Variants in AP5B1 observed in about 807,000 individuals in gnomAD.
AP5B1 encodes the protein adaptor related protein complex 5 subunit beta 1.
AP5B1 carries 3 observed loss-of-function variants against 5.7 expected under a neutral mutation model. That is an observed-to-expected ratio of 0.53 (90% CI 0.24 to 1.36). AP5B1 has a LOEUF of 1.36. Among genes scored for constraint, AP5B1 ranks in the 40% most tolerant of loss-of-function variants. The pLI, the probability that AP5B1 is intolerant of heterozygous loss-of-function variation, is 0.17. For missense variants in AP5B1, 1,310 were observed against 1,143.2 expected, an observed-to-expected ratio of 1.15 and a Z score of -2.10; for synonymous variants, 696 against 555.5, an observed-to-expected ratio of 1.25 and a Z score of -3.56.
chr11:65,780,531 A>C lies in AP5B1; in HGVS notation c.61T>G (p.Ser21Ala). 6.6e-7 allele frequency: 1 copy of C among 1,514,752 alleles called. No homozygotes were observed. Among genetic ancestry groups the C allele is most frequent in the East Asian group, 2.6e-5 (1 of 37,798 alleles). 93.8% of individuals were successfully genotyped at this position (1,514,752 alleles called of 1,614,324 possible). Residue 21 changes from serine (S) to alanine (A), a missense_variant, in exon 1 of 2, where the codon TCT becomes GCT. Ser to Ala is a moderately conservative substitution (Grantham distance 99). Transcript: ENST00000532090. Reference sequence around the variant, plus strand: ...CCCTCGGGACCTGCCATGAAGGCAGACGGGCTGGCCCGGAAGGCCCCCAAG... The same window carrying C: ...CCCTCGGGACCTGCCATGAAGGCAGCCGGGCTGGCCCGGAAGGCCCCCAAG... ...QRLGAFRASP[S>A]AFMAGPEGED...
Position 65,778,784 on chromosome 11 carries a change from C to T in AP5B1, c.1709G>A (p.Trp570Ter). 2.5e-6 allele frequency: 4 copies of T among 1,611,136 alleles called. No individual in the cohort carries two copies. Among genetic ancestry groups the T allele is most frequent in the Non-Finnish European group, 3.4e-6 (4 of 1,179,174 alleles). Residue 570 changes from tryptophan to a stop codon, truncating the protein, a stop_gained, in exon 2 of 2, where the codon TGG becomes TAG. Transcript: ENST00000532090. LOFTEE classifies it low-confidence loss of function (END_TRUNC). ...CCGCAGCAGGCCCTGCTGTAGGTCC[C>T]AGTTCGTGCAGTGGGCAGCCGCGGC... ...LQAAAAHCTN[W>*]DLQQGLLRVC... is the part of the protein sequence containing the mutation.
In AP5B1 at chr11:65,775,316, G is replaced by A. The variant is rs921189182; in HGVS notation, c.*2540C>T. ...TGAAAGGATGGTCAGTCCTTACATG[G>A]ACCAGTTTCCTTATTCTTAGGCTAA... On this transcript the variant is annotated 3_prime_UTR_variant, in exon 2 of 2. Coordinates refer to ENST00000532090, the MANE Select transcript of AP5B1 (RefSeq NM_138368.5). Among the ~76,000 whole-genome samples, 17 of 152,218 alleles carry A rather than the reference G, an allele frequency of 1.1e-4. No individual in the cohort carries two copies. Among genetic ancestry groups the A allele is most frequent in the African/African-American group, 4.1e-4 (17 of 41,452 alleles).
chr11:65,779,658 A>T lies in AP5B1; in HGVS notation c.835T>A (p.Tyr279Asn). 1 of 1,612,114 alleles carries T rather than the reference A, an allele frequency of 6.2e-7. No individual in the cohort carries two copies. Among genetic ancestry groups the T allele is most frequent in the Non-Finnish European group, 8.5e-7 (1 of 1,179,628 alleles). Residue 279 changes from tyrosine to asparagine, a missense_variant, in exon 2 of 2, where the codon TAT becomes AAT. Physicochemically the swap from Tyr to Asn is moderately radical, Grantham distance 143. Transcript: ENST00000532090. ...GCCTGGGCCACAGGAGTGAGCAGAT[A>T]GGAGGTGTCCAGAAGCTGGATCACC... ...AAVIQLLDTS[Y>N]LLTPVAQAQL...
At position 65,780,705 on chromosome 11, in the gene AP5B1, A is replaced by T. The variant is rs1857841615; in HGVS notation, c.-114T>A. ...CTGCGGTCACCCCCAGACGCCGCGCAGATGCCGGCGGGACCCGCGCCCGGC... is the reference window on the plus strand; with the variant it reads ...CTGCGGTCACCCCCAGACGCCGCGCTGATGCCGGCGGGACCCGCGCCCGGC... On this transcript the variant is annotated 5_prime_UTR_variant, in exon 1 of 2. Transcript: ENST00000532090. The T allele has an allele frequency of 8.7e-7, 1 of 1,148,794 alleles. No individual in the cohort carries two copies. Among genetic ancestry groups the T allele is most frequent in the Non-Finnish European group, 1.1e-6 (1 of 906,064 alleles). The allele number at this position is 1,148,794 out of a possible 1,614,324, so 71.2% of individuals were successfully genotyped here.
chr11:65,777,564 G>A lies in AP5B1; in HGVS notation c.*292C>T. On this transcript the variant is annotated 3_prime_UTR_variant, in exon 2 of 2. Coordinates refer to ENST00000532090, the MANE Select transcript of AP5B1 (RefSeq NM_138368.5). ...CTGTCCTCTGTCATGGGAAGATGCA[G>A]AAGGGTCCTCACTGGGCTCTGGGCC... The A allele has an allele frequency of 2.5e-6, 1 of 397,276 alleles. No individual in the cohort carries two copies. Among genetic ancestry groups the A allele is most frequent in the East Asian group, 4.1e-5 (1 of 24,112 alleles). The allele number at this position is 397,276 out of a possible 1,614,324, so 24.6% of individuals were successfully genotyped here.
rs895086689 is a variant in AP5B1 at position 65,774,446 on chromosome 11, C to T, written c.*3410G>A. On this transcript the variant is annotated 3_prime_UTR_variant, in exon 2 of 2. Coordinates refer to ENST00000532090, the MANE Select transcript of AP5B1 (RefSeq NM_138368.5). ...TTCTTTTTTGAGACGGAGTCCTGCT[C>T]TGTCATCCAGGCTGGAGTGTAGTGG... Among the ~76,000 whole-genome samples the T allele has an allele frequency of 1.3e-5, 2 of 152,164 alleles. No homozygotes were observed. Among genetic ancestry groups the T allele is most frequent in the African/African-American group, 2.4e-5 (1 of 41,446 alleles).
chr11:65,780,533 G>T lies in AP5B1; in HGVS notation c.59C>A (p.Pro20Gln), dbSNP rs1010440662. 15 of 1,512,196 alleles carry T rather than the reference G, an allele frequency of 9.9e-6. 1 individual carries two copies. Among genetic ancestry groups the T allele is most frequent in the Non-Finnish European group, 1.3e-5 (15 of 1,136,840 alleles). The allele number at this position is 1,512,196 out of a possible 1,614,324, so 93.7% of individuals were successfully genotyped here. ...AQRLGAFRASPSAFMAGPEGE... is the reference protein window; with the variant it reads ...AQRLGAFRASQSAFMAGPEGE... ...CTCGGGACCTGCCATGAAGGCAGAC[G>T]GGCTGGCCCGGAAGGCCCCCAAGCG... is the stretch of plus-strand genomic sequence containing the variant. Residue 20 changes from proline to glutamine, a missense_variant, in exon 1 of 2, where the codon CCG becomes CAG. Physicochemically the swap from Pro to Gln is moderately conservative, Grantham distance 76. Coordinates refer to ENST00000532090, the MANE Select transcript of AP5B1 (RefSeq NM_138368.5).
Position 65,777,568 on chromosome 11 carries a change from G to T in AP5B1, c.*288C>A, listed in dbSNP as rs1857779835. ...CCTCTGTCATGGGAAGATGCAGAAGGGTCCTCACTGGGCTCTGGGCCCTCC... is the reference window on the plus strand; with the variant it reads ...CCTCTGTCATGGGAAGATGCAGAAGTGTCCTCACTGGGCTCTGGGCCCTCC... On this transcript the variant is annotated 3_prime_UTR_variant, in exon 2 of 2. Transcript: ENST00000532090. 1 of 403,942 alleles carries T rather than the reference G, an allele frequency of 2.5e-6. No homozygotes were observed. The highest frequency in any genetic ancestry group is 4.4e-6 in the Non-Finnish European group (1 of 224,780). The allele number at this position is 403,942 out of a possible 1,614,324, so 25.0% of individuals were successfully genotyped here. A position where few individuals can be genotyped will look rare whatever the true frequency, so the allele number is the denominator to read the frequency against.
rs1857814593 is a variant in AP5B1, at chr11:65,779,443, CCGG to C, written c.1047_1049del (p.Arg350del). On this transcript the variant is annotated inframe_deletion, in exon 2 of 2. Coordinates refer to ENST00000532090, the MANE Select transcript of AP5B1 (RefSeq NM_138368.5). ...CAGGGTGCTGGGCAGCCAAGGTGAG[CCGG>C]CGGAGCAGCAACGCTTCATCCTGGG... 1 of 1,606,960 alleles carries C rather than the reference CCGG, an allele frequency of 6.2e-7. No individual in the cohort carries two copies. The highest frequency in any genetic ancestry group is 1.7e-4 in the Middle Eastern group (1 of 6,048).
Position 65,778,520 on chromosome 11 carries a change from T to C in AP5B1, c.1973A>G (p.Gln658Arg). The change falls in exon 2 of 2, where the codon CAG becomes CGG. Residue 658 changes from glutamine to arginine, a missense_variant. By Grantham distance (43) the Gln-to-Arg change is conservative. Coordinates refer to ENST00000532090, the MANE Select transcript of AP5B1 (RefSeq NM_138368.5). ...NQGFVAALMVQEAPALVRLSL... is the reference protein window; with the variant it reads ...NQGFVAALMVREAPALVRLSL... Reference sequence around the variant, plus strand: ...CAGCCGTACCAGGGCCGGTGCCTCCTGCACCATCAGTGCTGCCACAAAGCC... The same window carrying C: ...CAGCCGTACCAGGGCCGGTGCCTCCCGCACCATCAGTGCTGCCACAAAGCC... The C allele has an allele frequency of 1.3e-6, 2 of 1,575,108 alleles. No individual in the cohort carries two copies. The highest frequency in any genetic ancestry group is 1.7e-6 in the Non-Finnish European group (2 of 1,164,200).
chr11:65,777,754 G>A lies in AP5B1; in HGVS notation c.*102C>T, dbSNP rs1857782668. The A allele has an allele frequency of 7.5e-7, 1 of 1,341,568 alleles. No homozygotes were observed. The highest frequency in any genetic ancestry group is 1.5e-5 in the African/African-American group (1 of 67,768). 83.1% of individuals were successfully genotyped at this position (1,341,568 alleles called of 1,614,324 possible). A position where few individuals can be genotyped will look rare whatever the true frequency, so the allele number is the denominator to read the frequency against. ...CCGGGGCCCAAAAGAAAACAAGCCAGCGAGGGCACTGCGGAATGCAGGGTT... is the reference window on the plus strand; with the variant it reads ...CCGGGGCCCAAAAGAAAACAAGCCAACGAGGGCACTGCGGAATGCAGGGTT... On this transcript the variant is annotated 3_prime_UTR_variant, in exon 2 of 2. Coordinates refer to ENST00000532090, the MANE Select transcript of AP5B1 (RefSeq NM_138368.5).
In AP5B1 at chr11:65,778,126, G is replaced by A; in HGVS notation, c.2367C>T (p.Cys789=). The change falls in exon 2 of 2, where the codon TGC becomes TGT. Residue 789 remains cysteine (C), a synonymous_variant. Transcript: ENST00000532090. ...LGFFEELWDS[C]LPEGAESRVW... is the part of the protein sequence containing the mutation. The stretch of plus-strand genomic sequence containing the variant: ...CACGACTCTCAGCACCCTCTGGCAG[G>A]CAGGAATCCCAGAGCTCCTCAAAGA... 1 of 1,612,888 alleles carries A rather than the reference G, an allele frequency of 6.2e-7. No individual in the cohort carries two copies.
At position 65,779,886 on chromosome 11, in the gene AP5B1, C is replaced by G. The variant is rs1361110081; in HGVS notation, c.607G>C (p.Val203Leu). ...LRNTLVLQSR[V>L]GAGLGGLLTD... ...AGCAGTCCCCCCAGGCCAGCCCCAACCCGGGACTGGAGCACCAAGGTGTTG... is the reference window on the plus strand; with the variant it reads ...AGCAGTCCCCCCAGGCCAGCCCCAAGCCGGGACTGGAGCACCAAGGTGTTG... Residue 203 changes from valine (V) to leucine (L), a missense_variant, in exon 2 of 2, where the codon GTT (valine) becomes CTT (leucine). By Grantham distance (32) the Val-to-Leu change is conservative. Transcript: ENST00000532090. The G allele has an allele frequency of 1.3e-6, 2 of 1,594,580 alleles. No homozygotes were observed. Among genetic ancestry groups the G allele is most frequent in the Non-Finnish European group, 1.7e-6 (2 of 1,170,320 alleles).
At position 65,780,283 on chromosome 11, in the gene AP5B1, C is replaced by T. The variant is rs776403038; in HGVS notation, c.210G>A (p.Ala70=). The T allele has an allele frequency of 2.5e-5, 37 of 1,501,240 alleles. No homozygotes were observed. Among genetic ancestry groups the T allele is most frequent in the Non-Finnish European group, 3.1e-5 (35 of 1,130,954 alleles). 93.0% of individuals were successfully genotyped at this position (1,501,240 alleles called of 1,614,324 possible). The change falls in exon 2 of 2, where the codon GCG becomes GCA. Residue 70 remains alanine, a synonymous_variant. Transcript: ENST00000532090. ...ACAGGGAGGTGGCGGCCACTTCGGC[C>T]GCAGAGGCGTCGGGCCACAGCTGCG... is the stretch of plus-strand genomic sequence containing the variant. ...YPAQLWPDAS[A]AEVAATSLLD...
chr11:65,779,524 C>G lies in AP5B1; in HGVS notation c.969G>C (p.Leu323=). The G allele has an allele frequency of 6.2e-7, 1 of 1,606,502 alleles. No individual in the cohort carries two copies. Among genetic ancestry groups the G allele is most frequent in the Non-Finnish European group, 8.5e-7 (1 of 1,177,674 alleles). The part of the protein sequence containing the change: ...VRLLGTAQLT[L]LHAMLALKAA... Reference sequence around the variant, plus strand: ...CCTTGAGCGCAAGCATGGCGTGCAACAGTGTCAGCTGTGCTGTGCCTAGCA... The same window carrying G: ...CCTTGAGCGCAAGCATGGCGTGCAAGAGTGTCAGCTGTGCTGTGCCTAGCA... Residue 323 remains leucine (L), a synonymous_variant, in exon 2 of 2, where the codon CTG becomes CTC. Coordinates refer to ENST00000532090, the MANE Select transcript of AP5B1 (RefSeq NM_138368.5).
chr11:65,777,123 A>C lies in AP5B1; in HGVS notation c.*733T>G, dbSNP rs950933007. ...AGATCCTGTCTTTAACCCCTCCCCG[A>C]AAAAAAAAGAAAGAAAAGTACTGTC... On this transcript the variant is annotated 3_prime_UTR_variant, in exon 2 of 2. Transcript: ENST00000532090. 1 of 151,306 alleles carries C rather than the reference A, an allele frequency of 6.6e-6. No individual in the cohort carries two copies. The highest frequency in any genetic ancestry group is 1.5e-5 in the Non-Finnish European group (1 of 67,822). The allele number at this position is 151,306 out of a possible 1,614,324, so 9.4% of individuals were successfully genotyped here.
Position 65,778,452 on chromosome 11 carries a change from T to G in AP5B1, c.2041A>C (p.Lys681Gln), listed in dbSNP as rs1340354165. The change falls in exon 2 of 2, where the codon AAG (lysine) becomes CAG (glutamine). Residue 681 changes from lysine (K) to glutamine (Q), a missense_variant. Lys to Gln is a moderately conservative substitution (Grantham distance 53). Transcript: ENST00000532090. ...HRVKGPLPVLKLQPEALEPIY... is the reference protein window; with the variant it reads ...HRVKGPLPVLQLQPEALEPIY... ...GGCTCCAGCGCCTCCGGCTGGAGCTTCAACACTGGGAGTGGGCCCTTGACC... is the reference window on the plus strand; with the variant it reads ...GGCTCCAGCGCCTCCGGCTGGAGCTGCAACACTGGGAGTGGGCCCTTGACC... 1 of 1,573,884 alleles carries G rather than the reference T, an allele frequency of 6.4e-7. No homozygotes were observed. The highest frequency in any genetic ancestry group is 1.8e-5 in the Admixed American group (1 of 54,430).
Position 65,779,695 on chromosome 11 carries a change from C to G in AP5B1, c.798G>C (p.Glu266Asp), listed in dbSNP as rs747624275. Residue 266 changes from glutamate to aspartate, a missense_variant, in exon 2 of 2, where the codon GAG becomes GAC. By Grantham distance (45) the Glu-to-Asp change is conservative. Coordinates refer to ENST00000532090, the MANE Select transcript of AP5B1 (RefSeq NM_138368.5). ...GAAGCTGGATCACCGCAGCCCGCAGCTCCCGCGCCTCCTCAGGGCTGTGCT... is the reference window on the plus strand; with the variant it reads ...GAAGCTGGATCACCGCAGCCCGCAGGTCCCGCGCCTCCTCAGGGCTGTGCT... ...AREHSPEEARELRAAVIQLLD... is the reference protein window; with the variant it reads ...AREHSPEEARDLRAAVIQLLD... 1.9e-6 allele frequency: 3 copies of G among 1,612,196 alleles called. No individual in the cohort carries two copies. Among genetic ancestry groups the G allele is most frequent in the Non-Finnish European group, 2.5e-6 (3 of 1,179,566 alleles).
rs778968376 is a variant in AP5B1 at position 65,778,267 on chromosome 11, G to A, written c.2226C>T (p.Ala742=). 6 of 1,613,174 alleles carry A rather than the reference G, an allele frequency of 3.7e-6. No individual in the cohort carries two copies. In the African/African-American group the frequency reaches 6.7e-5, roughly 18 times the overall value. ...CPAPARLDVH[A]LYTTSTGLTC... ...TGAGACCAGTGGATGTGGTGTAAAG[G>A]GCATGGACATCCAGCCGTGCGGGGG... is the stretch of plus-strand genomic sequence containing the variant. Residue 742 remains alanine, a synonymous_variant, in exon 2 of 2, where the codon GCC becomes GCT. Transcript: ENST00000532090.
Sources: allele counts gnomAD v4.1 joint callset (sites outside exome capture counted in the v4.1 genomes callset), GRCh38; gene constraint gnomAD v4.1.1; transcripts MANE v1.5; gene names NCBI Gene and HGNC (gene_info 2026-07-23, HGNC 2026-07-21).